The following PDE6A variants were observed in gnomAD, a reference collection of about 807,000 sequenced individuals.
PDE6A encodes phosphodiesterase 6A, also known as rod cGMP-specific 3',5'-cyclic phosphodiesterase subunit alpha.
In PDE6A, 84 loss-of-function variants were observed where a neutral mutation model predicts 106.3. That is an observed-to-expected ratio of 0.79 (90% CI 0.66 to 0.95). The LOEUF (loss-of-function observed/expected upper bound fraction) is 0.95. Ranked by LOEUF, PDE6A falls within the 40% of genes least tolerant of loss-of-function variation. The probability of loss-of-function intolerance (pLI) is 0.00; values close to 1 mark genes in which losing one functional copy is unlikely to be tolerated. For synonymous variants in PDE6A, 394 were observed against 386.6 expected (o/e 1.02, Z -0.23); for missense variants, 1,052 against 1,084.9 (o/e 0.97, Z 0.43).
chr5:149,923,078 T>G (rs953522373), intron 4 of PDE6A, among the ~76,000 whole-genome samples: 1 of 152,260 alleles, frequency 6.6e-6, no homozygotes, highest in Non-Finnish European at 1.5e-5. Context: ...TACTTCCATG[T>G]TCAGCTATGA....
At chr5:149,911,261 C>T (rs2113622563) in intron 6 of PDE6A, among the ~76,000 whole-genome samples, 1 of 152,246 alleles carries the variant, frequency 6.6e-6, no homozygotes, top group South Asian at 2.1e-4. Flanking sequence ...CCTGAAATAG[C>T]TTGATGTTTA....
At chr5:149,911,562 C>G (rs1753387527) in intron 6 of PDE6A, among the ~76,000 whole-genome samples, 1 of 152,160 alleles carries the variant, frequency 6.6e-6, no homozygotes, top group African/African-American at 2.4e-5. Flanking sequence ...TCTGCCATGG[C>G]TAACAACGAT....
Position 149,863,225 on chromosome 5 carries a change from G to T in PDE6A, c.2400C>A (p.Asp800Glu). 1.2e-6 allele frequency: 2 copies of T among 1,613,958 alleles called. No individual in the cohort carries two copies. Among genetic ancestry groups the T allele is most frequent in the Non-Finnish European group, 1.7e-6 (2 of 1,179,912 alleles). The change falls in exon 21 of 22, where the codon GAC (aspartate) becomes GAA (glutamate). Residue 800 changes from aspartate (D) to glutamate (E), a missense_variant. Coordinates refer to ENST00000255266, the MANE Select transcript of PDE6A (RefSeq NM_000440.3). This position sits in a 1 kb window ranked among gnomAD's most constrained non-coding sequence, Gnocchi z 4.7. ...RFHEEITPML[D>E]GITNNRKEWK... ...ACTCCTTGCGATTGTTGGTGATCCCGTCCAACATTGGGGTGATCTCCTCGT... is the reference window on the plus strand; with the variant it reads ...ACTCCTTGCGATTGTTGGTGATCCCTTCCAACATTGGGGTGATCTCCTCGT...
intron 1 of PDE6A, among the ~76,000 whole-genome samples, chr5:149,936,446 G>A (rs528364448): frequency 6.6e-6 from 1 of 152,204 alleles, no homozygotes; most frequent in Non-Finnish European, 1.5e-5. Flanking sequence ...TCCTGAGCAC[G>A]TGTCTAGGTG....
At chr5:149,903,857 G>A (rs887376454) in intron 7 of PDE6A, among the ~76,000 whole-genome samples, 162 bp from the exon 8 acceptor site, 1 of 152,092 alleles carries the variant, frequency 6.6e-6, no homozygotes, top group Non-Finnish European at 1.5e-5. Flanking sequence ...TATTCACTGA[G>A]GCTACTAGAC....
intron 4 of PDE6A, among the ~76,000 whole-genome samples, chr5:149,926,979 C>CA (rs539891462): frequency 0.21 from 14,513 of 70,104 alleles, 1,180 homozygotes; most frequent in Non-Finnish European, 0.23. Flanking sequence ...ACTCCGTCTC[C>CA]AAAAAAAAAA....
In PDE6A at chr5:149,868,304, G is replaced by A. The variant is rs537542598; in HGVS notation, c.2136-146C>T. The A allele has an allele frequency of 6.7e-5, 52 of 777,038 alleles. No individual in the cohort carries two copies. The South Asian group carries it at 8.1e-4, about 12-fold the overall frequency. 48.1% of individuals were successfully genotyped at this position (777,038 alleles called of 1,614,324 possible). On this transcript the variant is annotated intron_variant, in intron 17 of 21. Transcript: ENST00000255266. ...AAAGGGCTCACCCCCATTGCATCCA[G>A]GGGTTGGGCTTTGAAATCAAACAGG...
At chr5:149,918,714 C>T (rs12153011) in intron 5 of PDE6A, among the ~76,000 whole-genome samples, 15,786 of 152,120 alleles carry the variant, frequency 0.1, 1,083 homozygotes, top group Admixed American at 0.2. Context: ...CAGGCTCAAG[C>T]AATCCTCCTA....
In PDE6A at chr5:149,898,410, C is replaced by G; in HGVS notation, c.1360G>C (p.Val454Leu). ...ENRKDIFQDI[V>L]KYHVKCDNEE... ...TTGTCACACTTCACATGATATTTTA[C>G]TATGTCCTGGAAAATATCCTTCCTA... is the stretch of plus-strand genomic sequence containing the variant. Residue 454 changes from valine to leucine, a missense_variant, in exon 10 of 22, where the codon GTA (valine) becomes CTA (leucine). By Grantham distance (32) the Val-to-Leu change is conservative. Transcript: ENST00000255266. 1.9e-6 allele frequency: 3 copies of G among 1,613,478 alleles called. No homozygotes were observed. The South Asian group carries it at 3.3e-5, about 18-fold the overall frequency.
In PDE6A at chr5:149,932,387, T is replaced by C. The variant is rs373330594; in HGVS notation, c.718-1219A>G. On this transcript the variant is annotated intron_variant, in intron 3 of 21. Coordinates refer to ENST00000255266, the MANE Select transcript of PDE6A (RefSeq NM_000440.3). ...CTAGTGGTCTTTCACTTAGCCTAAG[T>C]ACACGAGGTGCTGTTTTTAGTGCGA... The C allele has an allele frequency of 6.6e-6, 9 of 1,367,180 alleles. No homozygotes were observed. The East Asian group carries it at 9.2e-5, about 14-fold the overall frequency. 84.7% of individuals were successfully genotyped at this position (1,367,180 alleles called of 1,614,324 possible). A position where few individuals can be genotyped will look rare whatever the true frequency, so the allele number is the denominator to read the frequency against.
chr5:149,877,163 A>G (rs1238226802), intron 17 of PDE6A, among the ~76,000 whole-genome samples: 1 of 152,176 alleles, frequency 6.6e-6, no homozygotes, highest in African/African-American at 2.4e-5. Flanking sequence ...TAAGATATTT[A>G]AATGAAAAAT....
chr5:149,873,487 ACGC>A, intron 17 of PDE6A, among the ~76,000 whole-genome samples: 1 of 152,172 alleles, frequency 6.6e-6, no homozygotes, highest in East Asian at 1.9e-4. Context: ...GTGCGTCACC[ACGC>A]CCAGCTAATT....
chr5:149,886,585 C>T (rs571239464), intron 13 of PDE6A, among the ~76,000 whole-genome samples: 26 of 152,274 alleles, frequency 1.7e-4, no homozygotes, highest in African/African-American at 5.8e-4. Flanking sequence ...GGGAAAGTCC[C>T]AGGTAAATGG....
chr5:149,899,411 C>G lies in PDE6A; in HGVS notation c.1227G>C (p.Gly409=), dbSNP rs953999047. 6.2e-7 allele frequency: 1 copy of G among 1,614,168 alleles called. No individual in the cohort carries two copies. Among genetic ancestry groups the G allele is most frequent in the Non-Finnish European group, 8.5e-7 (1 of 1,180,022 alleles). The change falls in exon 9 of 22, where the codon GGG becomes GGC. Residue 409 remains glycine (G), a synonymous_variant. Coordinates refer to ENST00000255266, the MANE Select transcript of PDE6A (RefSeq NM_000440.3). ...GVATFYNRKD[G]KPFDEMDETL... ...TCTCATCCATTTCATCAAAGGGCTT[C>G]CCATCTTTACGATTGTAAAATGTGG... is the stretch of plus-strand genomic sequence containing the variant.
chr5:149,910,958 T>C lies in PDE6A; in HGVS notation c.999-3580A>G, dbSNP rs913872126. The stretch of plus-strand genomic sequence containing the variant: ...GCAGTGGTGCGATCATGGCTCACTG[T>C]AGCCTCCACCTCCCCGGCTCAAGTG... On this transcript the variant is annotated intron_variant, in intron 6 of 21. Transcript: ENST00000255266. Among the ~76,000 whole-genome samples the C allele has an allele frequency of 2.9e-5, 4 of 138,658 alleles. No homozygotes were observed. In the East Asian group the frequency reaches 6.5e-4, roughly 23 times the overall value. 91.0% of individuals were successfully genotyped at this position (138,658 alleles called of 152,430 possible).
chr5:149,896,620 G>T (rs1752761986), intron 11 of PDE6A, 91 bp downstream of exon 11: 1 of 1,613,660 alleles, frequency 6.2e-7, no homozygotes, highest in South Asian at 1.1e-5. Context: ...GAGTGATGGG[G>T]AACATGCTTT....
intron 17 of PDE6A, among the ~76,000 whole-genome samples, chr5:149,875,604 C>T (rs1760711809): frequency 1.3e-5 from 2 of 151,838 alleles, no homozygotes; most frequent in African/African-American, 2.4e-5. Flanking sequence ...GTCCCTCCAC[C>T]TCAGCCTCCT....
At chr5:149,932,220 C>T in intron 3 of PDE6A, 1 of 1,327,070 alleles carries the variant, frequency 7.5e-7, no homozygotes, top group Non-Finnish European at 1.1e-6. Context: ...ATTTGAAATG[C>T]CATAAAGAGA....
At chr5:149,861,839 A>C (rs1760156561) in intron 21 of PDE6A, among the ~76,000 whole-genome samples, 2 of 152,220 alleles carry the variant, frequency 1.3e-5, no homozygotes, top group African/African-American at 4.8e-5. Context: ...ACAAATTTGC[A>C]CTGATTTACT....
Sources: gnomAD v4.1 joint callset for allele counts (sites outside exome capture counted in the v4.1 genomes callset) on GRCh38, gnomAD v4.1.1 for gene constraint, Gnocchi (gnomAD v3.1) non-coding constraint, MANE v1.5 for transcripts, NCBI Gene and HGNC (gene_info 2026-07-23, HGNC 2026-07-21) for gene names.